Variants in NR1I2 observed in about 807,000 individuals in gnomAD.
The protein encoded by NR1I2 is nuclear receptor subfamily 1 group I member 2.
Under a neutral mutation model 43.3 loss-of-function variants are expected in NR1I2, and 42 were observed. That is an observed-to-expected ratio of 0.97 (90% CI 0.76 to 1.26). NR1I2 has a LOEUF of 1.26. NR1I2 is among the 50% of genes most tolerant of loss of function. The pLI, the probability that NR1I2 is intolerant of heterozygous loss-of-function variation, is 0.00. For missense variants in NR1I2, 559 were observed against 566.7 expected (o/e 0.99, Z 0.14); for synonymous variants, 229 against 215.0 (o/e 1.06, Z -0.57).
At chr3:119,811,791 G>GT (rs1202127820) in intron 4 of NR1I2, 65 bp downstream of exon 4, 8 of 1,459,906 alleles carry the variant, frequency 5.5e-6, no homozygotes, top group Non-Finnish European at 7.5e-6. Flanking sequence ...AGAAACTGAG[G>GT]TTCCCCAAGG....
intron 1 of NR1I2, among the ~76,000 whole-genome samples, chr3:119,783,463 C>T (rs891090616): frequency 1.3e-5 from 2 of 151,974 alleles, no homozygotes; most frequent in African/African-American, 4.8e-5. Context: ...TGACCAATTG[C>T]GAAAGAGACA....
chr3:119,813,705 G>A (rs1444465742), intron 5 of NR1I2, among the ~76,000 whole-genome samples: 2 of 152,126 alleles, frequency 1.3e-5, no homozygotes, highest in Non-Finnish European at 2.9e-5. Context: ...TAGGAGTCAT[G>A]CGTGACTTAT....
chr3:119,814,374 C>T (rs778696069), intron 5 of NR1I2, among the ~76,000 whole-genome samples: 6 of 152,156 alleles, frequency 3.9e-5, no homozygotes, highest in Non-Finnish European at 7.3e-5. Flanking sequence ...TGTGCTTCAG[C>T]GCTAGGAGTG....
In NR1I2 at chr3:119,817,434, C is replaced by T. The variant is rs545961772; in HGVS notation, c.*222C>T. 2.9e-5 allele frequency: 41 copies of T among 1,416,366 alleles called. No individual in the cohort carries two copies. The African/African-American group carries it at 4.6e-4, about 16-fold the overall frequency. 87.7% of individuals were successfully genotyped at this position (1,416,366 alleles called of 1,614,324 possible). A position where few individuals can be genotyped will look rare whatever the true frequency, so the allele number is the denominator to read the frequency against. On this transcript the variant is annotated 3_prime_UTR_variant, in exon 9 of 9. Transcript: ENST00000393716. ...TCTGTAGGGAGTGAAGCCACAGACT[C>T]TTACGTGGAGAGTGCACTGACCTGT...
intron 3 of NR1I2, 145 bp from the exon 4 acceptor site, chr3:119,811,394 A>C: frequency 1.3e-6 from 1 of 764,770 alleles, no homozygotes; most frequent in Non-Finnish European, 2.1e-6. Context: ...TCTTGAGTCC[A>C]GACAGGGGAG....
intron 1 of NR1I2, chr3:119,791,992 T>C: frequency 4.3e-6 from 3 of 698,866 alleles, no homozygotes; most frequent in East Asian, 5.3e-5. Flanking sequence ...CACTTTCTCA[T>C]ACCATGGGTA....
At chr3:119,799,588 A>C (rs1279120590) in intron 1 of NR1I2, among the ~76,000 whole-genome samples, 4 of 152,202 alleles carry the variant, frequency 2.6e-5, no homozygotes, top group African/African-American at 7.2e-5. Flanking sequence ...AAAACAAACA[A>C]ACACAAACAA....
At chr3:119,806,250 G>A (rs2055159054) in intron 1 of NR1I2, among the ~76,000 whole-genome samples, 1 of 152,130 alleles carries the variant, frequency 6.6e-6, no homozygotes, top group Non-Finnish European at 1.5e-5. Flanking sequence ...CAAGGTGGAA[G>A]TTGCCTGGGG....
intron 1 of NR1I2, among the ~76,000 whole-genome samples, chr3:119,788,531 G>C (rs557890550): frequency 6.6e-6 from 1 of 152,258 alleles, no homozygotes; most frequent in South Asian, 2.1e-4. Context: ...TTGACCTCCT[G>C]GGCTCAAGTG....
At position 119,817,198 on chromosome 3, in the gene NR1I2, A is replaced by T. The variant is rs375281175; in HGVS notation, c.1291A>T (p.Ile431Phe). 4 of 1,614,100 alleles carry T rather than the reference A, an allele frequency of 2.5e-6. No individual in the cohort carries two copies. Among genetic ancestry groups the T allele is most frequent in the Non-Finnish European group, 3.4e-6 (4 of 1,180,020 alleles). ...GCCCCTCATGCAGGAGTTGTTCGGCATCACAGGTAGCTGAGCGGCTGCCCT... is the reference window on the plus strand; with the variant it reads ...GCCCCTCATGCAGGAGTTGTTCGGCTTCACAGGTAGCTGAGCGGCTGCCCT... Residue 431 changes from isoleucine to phenylalanine, a missense_variant, in exon 9 of 9, where the codon ATC (isoleucine) becomes TTC (phenylalanine). Ile to Phe is a conservative substitution (Grantham distance 21, BLOSUM62 0). Transcript: ENST00000393716.
At chr3:119,809,039 G>T (rs143283944) in intron 2 of NR1I2, among the ~76,000 whole-genome samples, 1,764 of 152,274 alleles carry the variant, frequency 0.012, 37 homozygotes, top group African/African-American at 0.041. Context: ...GCTCAAACCT[G>T]CCAGGTCACT....
At chr3:119,808,977 G>A (rs2055197347) in intron 2 of NR1I2, among the ~76,000 whole-genome samples, 1 of 152,238 alleles carries the variant, frequency 6.6e-6, no homozygotes, top group Non-Finnish European at 1.5e-5. Context: ...GATGGCATCT[G>A]TGAAGAACAT....
intron 1 of NR1I2, among the ~76,000 whole-genome samples, chr3:119,798,686 T>A (rs1041482031): frequency 6.6e-6 from 1 of 151,718 alleles, no homozygotes; most frequent in Admixed American, 6.6e-5. Flanking sequence ...AAACCTCATG[T>A]TCATTTGCAG....
intron 3 of NR1I2, among the ~76,000 whole-genome samples, chr3:119,810,723 G>A (rs570567790): frequency 6.6e-6 from 1 of 152,344 alleles, no homozygotes; most frequent in East Asian, 1.9e-4. Context: ...GTCACTATGA[G>A]ATTAAGGCTC....
chr3:119,792,798 C>A (rs1161452619), intron 1 of NR1I2, among the ~76,000 whole-genome samples: 1 of 152,086 alleles, frequency 6.6e-6, no homozygotes, highest in Non-Finnish European at 1.5e-5. Flanking sequence ...TCACTTGAAC[C>A]CAGGAGGCAG....
chr3:119,788,350 T>C (rs2054873492), intron 1 of NR1I2, among the ~76,000 whole-genome samples: 1 of 152,230 alleles, frequency 6.6e-6, no homozygotes, highest in African/African-American at 2.4e-5. Flanking sequence ...ATTCCTGGCC[T>C]CAAGTGATCC....
At position 119,812,182 on chromosome 3, in the gene NR1I2, G is replaced by C. The variant is rs181736572; in HGVS notation, c.519+456G>C. 2.0e-5 allele frequency among the ~76,000 whole-genome samples: 3 copies of C among 152,288 alleles called. No individual in the cohort carries two copies. In the East Asian group the frequency reaches 5.8e-4, roughly 29 times the overall value. ...GACCTGTTGGGGGTGTGACTTTTGTGAACTGGTGTTTCTTGATCCCAGCAC... is the reference window on the plus strand; with the variant it reads ...GACCTGTTGGGGGTGTGACTTTTGTCAACTGGTGTTTCTTGATCCCAGCAC... On this transcript the variant is annotated intron_variant, in intron 4 of 8. Transcript: ENST00000393716.
chr3:119,790,245 T>G (rs183934789), intron 1 of NR1I2, among the ~76,000 whole-genome samples: 22 of 152,280 alleles, frequency 1.4e-4, no homozygotes, highest in Admixed American at 6.5e-4. Context: ...AGAATTTCCT[T>G]TTTTTTAAGG....
intron 8 of NR1I2, among the ~76,000 whole-genome samples, chr3:119,816,567 TC>T (rs1559792335): frequency 2.6e-5 from 4 of 152,166 alleles, no homozygotes; most frequent in Middle Eastern, 3.4e-3. Context: ...ACACCTATAA[TC>T]CCAGCACTTT....
Sources: allele counts gnomAD v4.1 joint callset (sites outside exome capture counted in the v4.1 genomes callset), GRCh38; gene constraint gnomAD v4.1.1; transcripts MANE v1.5; gene names NCBI Gene and HGNC (gene_info 2026-07-23, HGNC 2026-07-21).